MKLN1: variants seen among roughly 807,000 people sequenced by gnomAD.
MKLN1 encodes the protein muskelin 1.
Under a neutral mutation model 99.0 loss-of-function variants are expected in MKLN1, and 18 were observed. The ratio of observed to expected loss-of-function variants is 0.18; its 90% confidence interval spans 0.13 to 0.27. The LOEUF is 0.27. Ranked by LOEUF, MKLN1 falls within the 10% of genes least tolerant of loss-of-function variation. MKLN1 has a pLI of 1.00. For synonymous variants in MKLN1, 288 were observed against 293.2 expected (o/e 0.98, Z 0.18); for missense variants, 621 against 875.9 (o/e 0.71, Z 3.67).
At chr7:131,350,226 C>A (rs1223427700) in intron 1 of MKLN1, among the ~76,000 whole-genome samples, 8 of 140,320 alleles carry the variant, frequency 5.7e-5, no homozygotes. Context: ...TATTTAAAAT[C>A]TTTTTTTTTT....
chr7:131,383,775 C>G (rs1793920427), intron 2 of MKLN1, among the ~76,000 whole-genome samples: 1 of 152,114 alleles, frequency 6.6e-6, no homozygotes, highest in Non-Finnish European at 1.5e-5. Flanking sequence ...TCACCAAATC[C>G]CATCAATTGT....
At chr7:131,404,933 C>T (rs933287661) in intron 6 of MKLN1, among the ~76,000 whole-genome samples, 1 of 152,000 alleles carries the variant, frequency 6.6e-6, no homozygotes, top group Non-Finnish European at 1.5e-5. Flanking sequence ...TTAAAACAAA[C>T]AAACAAACAA....
At chr7:131,360,603 ATGT>A (rs956042476) in intron 1 of MKLN1, among the ~76,000 whole-genome samples, 3 of 152,030 alleles carry the variant, frequency 2.0e-5, no homozygotes, top group African/African-American at 7.2e-5. Context: ...ATCCCTTATA[ATGT>A]TGTTCTTACT....
chr7:131,220,631 C>T (rs921042985), intron 3 of MKLN1, among the ~76,000 whole-genome samples: 1 of 152,068 alleles, frequency 6.6e-6, no homozygotes, highest in Non-Finnish European at 1.5e-5. Context: ...AAGAGTGTAG[C>T]GTGACATCAT....
chr7:131,146,215 G>A (rs1369052712), intron 2 of MKLN1, among the ~76,000 whole-genome samples: 2 of 152,098 alleles, frequency 1.3e-5, no homozygotes, highest in East Asian at 3.8e-4. Context: ...GGTGGTACAC[G>A]CTTATAGTCC....
intron 3 of MKLN1, among the ~76,000 whole-genome samples, chr7:131,208,691 A>C (rs1042320632): frequency 6.6e-6 from 1 of 152,200 alleles, no homozygotes; most frequent in Non-Finnish European, 1.5e-5. Context: ...CCCTTCATTT[A>C]TTCAATCATT....
chr7:131,373,671 G>A (rs1010987773), intron 1 of MKLN1, among the ~76,000 whole-genome samples: 9 of 152,084 alleles, frequency 5.9e-5, no homozygotes, highest in South Asian at 2.1e-4. Flanking sequence ...TGGAAAAGTT[G>A]CAAAGATGGC....
chr7:131,322,098 G>A (rs895192703), intron 3 of MKLN1, among the ~76,000 whole-genome samples: 2 of 152,246 alleles, frequency 1.3e-5, no homozygotes, highest in African/African-American at 4.8e-5. Flanking sequence ...AGTGGTGAAA[G>A]CACCAAATCC....
intron 3 of MKLN1, among the ~76,000 whole-genome samples, chr7:131,265,474 C>T (rs904790904): frequency 1.3e-5 from 2 of 152,210 alleles, no homozygotes; most frequent in African/African-American, 2.4e-5. Context: ...TGCCACTCCA[C>T]AGCCTAGGCT....
chr7:131,441,197 A>G (rs1410498260), intron 10 of MKLN1, among the ~76,000 whole-genome samples: 2 of 152,202 alleles, frequency 1.3e-5, no homozygotes, highest in African/African-American at 4.8e-5. Context: ...ATCTCAGCTC[A>G]TTGATATTCT....
chr7:131,320,672 T>G (rs962495400), intron 3 of MKLN1, among the ~76,000 whole-genome samples: 3 of 152,048 alleles, frequency 2.0e-5, no homozygotes, highest in Non-Finnish European at 4.4e-5. Flanking sequence ...AATTTTGCAA[T>G]CTACCCATGT....
intron 2 of MKLN1, among the ~76,000 whole-genome samples, chr7:131,143,712 C>G (rs1194318597): frequency 6.6e-6 from 1 of 152,086 alleles, no homozygotes; most frequent in Non-Finnish European, 1.5e-5. Flanking sequence ...CCTATAGACC[C>G]AGCTACTTGG....
rs571548385 is a variant in MKLN1, at chr7:131,492,470, G to C, written c.*4742G>C. The C allele has an allele frequency of 6.6e-6, 1 of 151,814 alleles. No homozygotes were observed. Among genetic ancestry groups the C allele is most frequent in the Non-Finnish European group, 1.5e-5 (1 of 67,974 alleles). The allele number at this position is 151,814 out of a possible 1,614,324, so 9.4% of individuals were successfully genotyped here. A position where few individuals can be genotyped will look rare whatever the true frequency, so the allele number is the denominator to read the frequency against. ...ATTTAGGCTGGGCATAGTGACTCACGCCTGTAATCCCAGACCTTTGGGAGG... is the reference window on the plus strand; with the variant it reads ...ATTTAGGCTGGGCATAGTGACTCACCCCTGTAATCCCAGACCTTTGGGAGG... On this transcript the variant is annotated 3_prime_UTR_variant, in exon 18 of 18. Transcript: ENST00000352689.
chr7:131,421,704 ATTTTC>A (rs1315107954), intron 8 of MKLN1, among the ~76,000 whole-genome samples: 2 of 152,138 alleles, frequency 1.3e-5, no homozygotes, highest in Admixed American at 6.5e-5. Flanking sequence ...ACTCAAAGGA[ATTTTC>A]TTTTGTGTGT....
intron 3 of MKLN1, among the ~76,000 whole-genome samples, chr7:131,243,719 A>T (rs568137367): frequency 2.6e-5 from 4 of 152,302 alleles, no homozygotes; most frequent in East Asian, 1.9e-4. Context: ...TAAATTTTTT[A>T]AAAATTATGT....
At chr7:131,441,210 C>A (rs1165222583) in intron 10 of MKLN1, among the ~76,000 whole-genome samples, 1 of 152,122 alleles carries the variant, frequency 6.6e-6, no homozygotes, top group African/African-American at 2.4e-5. Flanking sequence ...GATATTCTCA[C>A]TGGGTCATGA....
intron 12 of MKLN1, among the ~76,000 whole-genome samples, chr7:131,448,206 C>T (rs937466092): frequency 9.9e-5 from 15 of 151,936 alleles, no homozygotes; most frequent in Admixed American, 3.3e-4. Context: ...CCACCCTGGG[C>T]GACAGAGCGA....
chr7:131,394,460 T>C (rs1343784879), intron 4 of MKLN1, among the ~76,000 whole-genome samples: 1 of 151,956 alleles, frequency 6.6e-6, no homozygotes, highest in Non-Finnish European at 1.5e-5. Flanking sequence ...TTAGATCCCT[T>C]GTATTTGCAG....
chr7:131,135,412 G>A (rs1243114299), intron 1 of MKLN1, among the ~76,000 whole-genome samples: 3 of 152,200 alleles, frequency 2.0e-5, no homozygotes, highest in South Asian at 4.1e-4. Flanking sequence ...GAGCCACTGC[G>A]TCTGGCCTCT....
Sources: gnomAD v4.1 joint callset for allele counts (sites outside exome capture counted in the v4.1 genomes callset) on GRCh38, gnomAD v4.1.1 for gene constraint, MANE v1.5 for transcripts, NCBI Gene and HGNC (gene_info 2026-07-23, HGNC 2026-07-21) for gene names.